Variants in EXOC2 observed in about 807,000 individuals in gnomAD.
EXOC2 encodes the protein exocyst complex component 2, also known as SEC5-like 1.
A neutral mutation model predicts 131.8 loss-of-function variants in EXOC2; 70 were observed. The ratio of observed to expected loss-of-function variants is 0.53; its 90% CI spans 0.44 to 0.65. EXOC2 has a LOEUF of 0.65. Ranked by LOEUF, EXOC2 falls within the 30% of genes least tolerant of loss-of-function variation. EXOC2 has a pLI of 0.00. For missense variants in EXOC2, 923 were observed against 1,108.6 expected (o/e 0.83, Z 2.38); for synonymous variants, 411 against 398.4 (o/e 1.03, Z -0.38).
chr6:617,191 A>G (rs1347651929), intron 6 of EXOC2, among the ~76,000 whole-genome samples: 1 of 152,250 alleles, frequency 6.6e-6, no homozygotes, highest in Non-Finnish European at 1.5e-5. Flanking sequence ...TATAAAAAAA[A>G]AACTCTACCA....
At chr6:611,006 G>A (rs1418953183) in intron 6 of EXOC2, among the ~76,000 whole-genome samples, 3 of 152,186 alleles carry the variant, frequency 2.0e-5, no homozygotes. Context: ...AATTTGAATT[G>A]TGTGGTAACA....
chr6:682,652 T>TA (rs1244992323), intron 1 of EXOC2, among the ~76,000 whole-genome samples: 2 of 152,182 alleles, frequency 1.3e-5, no homozygotes, highest in African/African-American at 4.8e-5. Flanking sequence ...ATGCATATAT[T>TA]ATGTCATAAT....
intron 23 of EXOC2, chr6:525,607 T>A (rs1765695293): frequency 6.6e-6 from 1 of 152,222 alleles, no homozygotes; most frequent in Admixed American, 6.5e-5. Flanking sequence ...GCTGTCTCCA[T>A]GAAGTTTTTC....
At chr6:571,596 G>C (rs1258066201) in intron 13 of EXOC2, among the ~76,000 whole-genome samples, 1 of 152,176 alleles carries the variant, frequency 6.6e-6, no homozygotes, top group Non-Finnish European at 1.5e-5. Context: ...AAGGAGGAGA[G>C]GTTTAAACCA....
At chr6:557,383 G>C (rs1176032597) in intron 17 of EXOC2, among the ~76,000 whole-genome samples, 1 of 152,170 alleles carries the variant, frequency 6.6e-6, no homozygotes, top group Admixed American at 6.5e-5. Context: ...ATTTTGGGAG[G>C]CTGCGGTGGG....
intron 1 of EXOC2, chr6:656,339 A>C (rs1304799633): frequency 6.2e-7 from 1 of 1,614,194 alleles, no homozygotes; most frequent in Non-Finnish European, 8.5e-7. Context: ...TTTTAAAATA[A>C]CTTTGAATGG....
chr6:510,279 T>C (rs1459424034), intron 23 of EXOC2, among the ~76,000 whole-genome samples: 1 of 152,126 alleles, frequency 6.6e-6, no homozygotes, highest in African/African-American at 2.4e-5. Context: ...TGCCCTAAAG[T>C]GGATTTTTTC....
intron 23 of EXOC2, among the ~76,000 whole-genome samples, chr6:514,716 A>G (rs928466316): frequency 6.6e-6 from 1 of 152,214 alleles, no homozygotes; most frequent in African/African-American, 2.4e-5. Flanking sequence ...GAGAAGCCCA[A>G]GGGACGCAGA....
chr6:521,308 G>A (rs1403630580), intron 23 of EXOC2, among the ~76,000 whole-genome samples: 1 of 152,018 alleles, frequency 6.6e-6, no homozygotes, highest in African/African-American at 2.4e-5. Context: ...GTCCACACTC[G>A]GAGATGAAAA....
rs976555549 is a variant in EXOC2, at chr6:644,825, C to T, written c.-43-6964G>A. On this transcript the variant is annotated intron_variant, in intron 1 of 27. Transcript: ENST00000230449. The stretch of plus-strand genomic sequence containing the variant: ...CTACATTAAAAACTACAATATACTG[C>T]AGAGACAAAATAAAGACCTAAATAA... 3.3e-5 allele frequency among the ~76,000 whole-genome samples: 5 copies of T among 152,006 alleles called. No individual in the cohort carries two copies. In the East Asian group the frequency reaches 7.7e-4, roughly 23 times the overall value.
At chr6:676,077 G>T (rs1188359053) in intron 1 of EXOC2, among the ~76,000 whole-genome samples, 12 of 84,474 alleles carry the variant, frequency 1.4e-4, no homozygotes, top group Non-Finnish European at 3.0e-4. Flanking sequence ...TTCCTCTGGC[G>T]ACTGCGGTTC....
intron 23 of EXOC2, among the ~76,000 whole-genome samples, chr6:511,201 G>A (rs574549068): frequency 1.2e-4 from 18 of 152,346 alleles, no homozygotes; most frequent in Admixed American, 6.5e-4. Context: ...AGGCAGTGCC[G>A]TGCCTGCTGC....
chr6:495,970 T>TA (rs1395698125), intron 25 of EXOC2, among the ~76,000 whole-genome samples: 4 of 152,226 alleles, frequency 2.6e-5, no homozygotes, highest in African/African-American at 9.6e-5. Flanking sequence ...ACTGACTTTT[T>TA]AAAAAATCTA....
chr6:600,031 G>T (rs1039974508), intron 7 of EXOC2, among the ~76,000 whole-genome samples: 2 of 152,090 alleles, frequency 1.3e-5, no homozygotes, highest in Non-Finnish European at 2.9e-5. Flanking sequence ...TTGCCTGTTT[G>T]ATCGCTGCTT....
intron 22 of EXOC2, among the ~76,000 whole-genome samples, chr6:537,306 G>A (rs948711235): frequency 3.3e-5 from 5 of 149,816 alleles, no homozygotes; most frequent in African/African-American, 5.0e-5. Flanking sequence ...CCGACGGAGC[G>A]CACACACGAG....
intron 7 of EXOC2, among the ~76,000 whole-genome samples, chr6:605,385 C>A (rs1186865121): frequency 6.6e-6 from 1 of 152,206 alleles, no homozygotes; most frequent in Non-Finnish European, 1.5e-5. Flanking sequence ...ATTTAATATA[C>A]AATTTAAAAC....
At chr6:674,867 T>C (rs931153046) in intron 1 of EXOC2, among the ~76,000 whole-genome samples, 15 of 152,044 alleles carry the variant, frequency 9.9e-5, no homozygotes, top group African/African-American at 3.4e-4. Flanking sequence ...ACCCTTCAAT[T>C]AGGCTCCTCC....
Position 624,361 on chromosome 6 carries a change from A to G in EXOC2, c.423-4818T>C, listed in dbSNP as rs559869097. On this transcript the variant is annotated intron_variant, in intron 4 of 27. Coordinates refer to ENST00000230449, the MANE Select transcript of EXOC2 (RefSeq NM_018303.6). ...CGAGAAGTTATTCCATTATGAATGG[A>G]TCACCATACCTTCCTCTTAGGAATG... Among the ~76,000 whole-genome samples the G allele has an allele frequency of 3.9e-5, 6 of 152,380 alleles. No individual in the cohort carries two copies. In the South Asian group the frequency reaches 1.0e-3, roughly 26 times the overall value.
intron 4 of EXOC2, among the ~76,000 whole-genome samples, chr6:622,446 G>A (rs1484118693): frequency 1.3e-5 from 2 of 152,196 alleles, no homozygotes; most frequent in Non-Finnish European, 2.9e-5. Context: ...ATGGTGCTGC[G>A]CTGTGCCTCG....
Sources: allele counts gnomAD v4.1 joint callset (sites outside exome capture counted in the v4.1 genomes callset), GRCh38; gene constraint gnomAD v4.1.1; transcripts MANE v1.5; gene names NCBI Gene and HGNC (gene_info 2026-07-23, HGNC 2026-07-21).